The following GALNTL6 variants were observed in gnomAD, a reference collection of about 807,000 sequenced individuals.
The protein encoded by GALNTL6 is polypeptide N-acetylgalactosaminyltransferase like 6.
A neutral mutation model predicts 73.7 loss-of-function variants in GALNTL6; 46 were observed. The ratio of observed to expected loss-of-function variants is 0.62; its 90% CI spans 0.49 to 0.80. GALNTL6 has a LOEUF of 0.80. GALNTL6 is among the 30% of genes least tolerant of loss of function. The probability of loss-of-function intolerance (pLI) is 0.00; values close to 1 mark genes in which losing one functional copy is unlikely to be tolerated. For missense variants in GALNTL6, 604 were observed against 755.0 expected (o/e 0.80, Z 2.34); for synonymous variants, 259 against 263.7 (o/e 0.98, Z 0.17).
At chr4:172,009,523 G>C (rs1740939974) in intron 2 of GALNTL6, among the ~76,000 whole-genome samples, 1 of 152,074 alleles carries the variant, frequency 6.6e-6, no homozygotes, top group African/African-American at 2.4e-5. Flanking sequence ...CTGAATCCTT[G>C]ATGATGCTTC....
chr4:172,689,906 T>A (rs72706818), intron 5 of GALNTL6, among the ~76,000 whole-genome samples: 25,850 of 151,486 alleles, frequency 0.17, 2,983 homozygotes, highest in Middle Eastern at 0.33. Context: ...TCGTGATTTT[T>A]AAAAAAAAAT....
At chr4:172,976,611 A>G (rs1226039453) in intron 10 of GALNTL6, among the ~76,000 whole-genome samples, 1 of 152,252 alleles carries the variant, frequency 6.6e-6, no homozygotes, top group Non-Finnish European at 1.5e-5. Flanking sequence ...AATAGAATGC[A>G]CACTTTATAA....
chr4:172,287,703 C>T (rs966836156), intron 3 of GALNTL6, among the ~76,000 whole-genome samples: 3 of 152,104 alleles, frequency 2.0e-5, no homozygotes, highest in Non-Finnish European at 4.4e-5. Context: ...AGTTATTATC[C>T]TCCTTGTGCT....
At chr4:172,602,712 A>G (rs1040857614) in intron 5 of GALNTL6, among the ~76,000 whole-genome samples, 1 of 152,206 alleles carries the variant, frequency 6.6e-6, no homozygotes, top group Non-Finnish European at 1.5e-5. Context: ...GCTTTGTGAC[A>G]TACCAATTAA....
At chr4:172,132,488 A>G (rs867178168) in intron 2 of GALNTL6, among the ~76,000 whole-genome samples, 6 of 152,042 alleles carry the variant, frequency 3.9e-5, no homozygotes, top group South Asian at 4.1e-4. Flanking sequence ...ATTTTCCTCA[A>G]TAGGGTTACT....
Position 172,730,594 on chromosome 4 carries a change from C to T in GALNTL6, c.554-78767C>T, listed in dbSNP as rs138580860. Among the ~76,000 whole-genome samples the T allele has an allele frequency of 2.9e-3, 436 of 152,178 alleles. 1 individual carries two copies. The highest frequency in any genetic ancestry group is 9.4e-3 in the African/African-American group (392 of 41,516). Reference sequence around the variant, plus strand: ...ATGAATTTCACTTGATCATGGTGAACGATCTTTTTAGTGTTGTTGCATTTG... The same window carrying T: ...ATGAATTTCACTTGATCATGGTGAATGATCTTTTTAGTGTTGTTGCATTTG... On this transcript the variant is annotated intron_variant, in intron 5 of 12. Transcript: ENST00000506823.
At chr4:172,036,246 C>T (rs1487523162) in intron 2 of GALNTL6, among the ~76,000 whole-genome samples, 1 of 151,916 alleles carries the variant, frequency 6.6e-6, no homozygotes, top group Non-Finnish European at 1.5e-5. Flanking sequence ...TTCTTTAACC[C>T]AAAGGTTTGG....
intron 11 of GALNTL6, among the ~76,000 whole-genome samples, chr4:173,019,546 A>C (rs1752917190): frequency 6.6e-6 from 1 of 152,336 alleles, no homozygotes; most frequent in East Asian, 1.9e-4. Flanking sequence ...CATTTCCTTG[A>C]GAAGCCATTC....
intron 3 of GALNTL6, among the ~76,000 whole-genome samples, chr4:172,263,941 T>C (rs535794342): frequency 6.6e-6 from 1 of 151,624 alleles, no homozygotes; most frequent in Non-Finnish European, 1.5e-5. Flanking sequence ...TATGGGAATC[T>C]TATGAAATGT....
intron 2 of GALNTL6, among the ~76,000 whole-genome samples, chr4:171,872,401 T>C (rs753667039): frequency 1.3e-4 from 20 of 152,230 alleles, no homozygotes; most frequent in African/African-American, 4.8e-4. Context: ...CTAAGAAAAG[T>C]AATATTTGAG....
intron 2 of GALNTL6, among the ~76,000 whole-genome samples, chr4:172,050,815 G>A (rs1313704591): frequency 6.6e-6 from 1 of 152,126 alleles, no homozygotes; most frequent in Non-Finnish European, 1.5e-5. Context: ...TACAGGCCAA[G>A]AGGGGTCCCT....
intron 2 of GALNTL6, among the ~76,000 whole-genome samples, chr4:171,947,179 T>C (rs771522524): frequency 6.6e-5 from 10 of 152,124 alleles, no homozygotes; most frequent in Non-Finnish European, 1.2e-4. Context: ...TAAATTGTGC[T>C]CCTTCCTTCA....
intron 5 of GALNTL6, among the ~76,000 whole-genome samples, chr4:172,744,182 G>C (rs1446646088): frequency 6.6e-6 from 1 of 152,004 alleles, no homozygotes; most frequent in Non-Finnish European, 1.5e-5. Flanking sequence ...GTTAGACAAA[G>C]GTTAACATTC....
At chr4:172,823,081 T>C (rs1174509312) in intron 7 of GALNTL6, among the ~76,000 whole-genome samples, 1 of 152,134 alleles carries the variant, frequency 6.6e-6, no homozygotes, top group Non-Finnish European at 1.5e-5. Flanking sequence ...AAAATAACTG[T>C]CACAGCCCCC....
At chr4:172,839,578 T>C (rs1179340812) in intron 7 of GALNTL6, among the ~76,000 whole-genome samples, 1 of 152,222 alleles carries the variant, frequency 6.6e-6, no homozygotes, top group African/African-American at 2.4e-5. Context: ...GAAAATCTGC[T>C]TGAGTCCAGG....
At chr4:172,153,750 G>T (rs1447735572) in intron 2 of GALNTL6, among the ~76,000 whole-genome samples, 1 of 152,138 alleles carries the variant, frequency 6.6e-6, no homozygotes, top group Non-Finnish European at 1.5e-5. Context: ...AAAACGTATG[G>T]TCACACATTC....
At chr4:171,916,849 T>C (rs1367211828) in intron 2 of GALNTL6, among the ~76,000 whole-genome samples, 1 of 152,152 alleles carries the variant, frequency 6.6e-6, no homozygotes, top group East Asian at 1.9e-4. Flanking sequence ...ATAGTCTCTC[T>C]ATATCTTGAC....
intron 2 of GALNTL6, among the ~76,000 whole-genome samples, chr4:171,836,291 C>T (rs907796860): frequency 1.3e-5 from 2 of 152,086 alleles, no homozygotes; most frequent in South Asian, 4.1e-4. Context: ...CAACTCTGCA[C>T]TGCTCTCAGT....
chr4:172,600,096 A>T (rs1367777904), intron 5 of GALNTL6, among the ~76,000 whole-genome samples: 1 of 152,124 alleles, frequency 6.6e-6, no homozygotes, highest in Non-Finnish European at 1.5e-5. Context: ...TGACCAGTGT[A>T]GGATTCGGAC....
Sources: allele counts gnomAD v4.1 joint callset (sites outside exome capture counted in the v4.1 genomes callset), GRCh38; gene constraint gnomAD v4.1.1; transcripts MANE v1.5; gene names NCBI Gene and HGNC (gene_info 2026-07-23, HGNC 2026-07-21).